Variants in EPHA6 observed in about 807,000 individuals in gnomAD.
The protein encoded by EPHA6 is ephrin type-A receptor 6.
Under a neutral mutation model 112.0 loss-of-function variants are expected in EPHA6, and 50 were observed. That is an observed-to-expected ratio of 0.45 (90% CI 0.36 to 0.56). The LOEUF is 0.56. Among genes scored for constraint, EPHA6 ranks in the 20% least tolerant of loss-of-function variants. EPHA6 has a pLI of 0.00. For missense variants in EPHA6, 1,280 were observed against 1,417.4 expected, an observed-to-expected ratio of 0.90 and a Z score of 1.56; for synonymous variants, 529 against 490.7, an observed-to-expected ratio of 1.08 and a Z score of -1.03.
chr3:97,171,856 CA>C (rs962947646), intron 3 of EPHA6, among the ~76,000 whole-genome samples: 9 of 151,772 alleles, frequency 5.9e-5, no homozygotes, highest in East Asian at 1.9e-4. Context: ...TTAGGGATAA[CA>C]AAAAACCTTG....
chr3:97,030,856 G>A (rs546490044), intron 3 of EPHA6, among the ~76,000 whole-genome samples: 10 of 151,942 alleles, frequency 6.6e-5, no homozygotes, highest in African/African-American at 1.2e-4. Context: ...TTTTTCTATC[G>A]CCATAAACTA....
chr3:96,944,536 T>C (rs2041149535), intron 2 of EPHA6, among the ~76,000 whole-genome samples: 1 of 152,172 alleles, frequency 6.6e-6, no homozygotes, highest in Admixed American at 6.5e-5. Flanking sequence ...CTGGCATGTA[T>C]ATCAGGCATC....
chr3:97,428,861 C>T (rs1217190125), intron 6 of EPHA6, among the ~76,000 whole-genome samples: 1 of 152,110 alleles, frequency 6.6e-6, no homozygotes, highest in African/African-American at 2.4e-5. Context: ...AAATGCCTGG[C>T]CAAGACTTTC....
At position 96,970,287 on chromosome 3, in the gene EPHA6, C is replaced by A. The variant is rs567378317; in HGVS notation, c.451-17043C>A. Among the ~76,000 whole-genome samples the A allele has an allele frequency of 3.0e-4, 44 of 147,680 alleles. 1 individual carries two copies. In the South Asian group the frequency reaches 4.5e-3, roughly 15 times the overall value. ...CACACAAACACACACACACACAGAG[C>A]GAGAGAGAGAGAGAGAAAGTGCCTC... On this transcript the variant is annotated intron_variant, in intron 2 of 17. Coordinates refer to ENST00000389672, the MANE Select transcript of EPHA6 (RefSeq NM_001080448.3).
intron 3 of EPHA6, among the ~76,000 whole-genome samples, chr3:97,198,613 C>A (rs1354165986): frequency 6.6e-6 from 1 of 152,020 alleles, no homozygotes; most frequent in Non-Finnish European, 1.5e-5. Flanking sequence ...CCCTTTAATT[C>A]TTGAGATTTT....
At chr3:96,947,217 G>A (rs1240280204) in intron 2 of EPHA6, among the ~76,000 whole-genome samples, 1 of 152,062 alleles carries the variant, frequency 6.6e-6, no homozygotes, top group African/African-American at 2.4e-5. Flanking sequence ...GGCTTTTGTT[G>A]CCATTGCTTT....
At position 96,864,292 on chromosome 3, in the gene EPHA6, G is replaced by T. The variant is rs74631584; in HGVS notation, c.386-2533G>T. ...TATAGGAAAGCTTAGGGTGGCCTAT[G>T]TATAATGTTCTTAACTGGAAATAGC... On this transcript the variant is annotated intron_variant, in intron 1 of 17. Coordinates refer to ENST00000389672, the MANE Select transcript of EPHA6 (RefSeq NM_001080448.3). Among the ~76,000 whole-genome samples the T allele has an allele frequency of 7.2e-3, 1,095 of 152,172 alleles. 11 individuals carry two copies. Among genetic ancestry groups the T allele is most frequent in the African/African-American group, 0.025 (1,027 of 41,540 alleles).
At chr3:97,488,717 A>G (rs2091760421) in intron 10 of EPHA6, among the ~76,000 whole-genome samples, 1 of 152,216 alleles carries the variant, frequency 6.6e-6, no homozygotes, top group African/African-American at 2.4e-5. Context: ...TATTTAGATG[A>G]GATGACTTCC....
At position 97,728,196 on chromosome 3, in the gene EPHA6, G is replaced by A. The variant is rs549424860; in HGVS notation, c.2935-7729G>A. Among the ~76,000 whole-genome samples the A allele has an allele frequency of 1.7e-4, 26 of 152,008 alleles. No individual in the cohort carries two copies. The South Asian group carries it at 5.4e-3, about 32-fold the overall frequency. The stretch of plus-strand genomic sequence containing the variant: ...CTTTTAGATATTTTTAGTGGAGCCA[G>A]GAAATGTATTATTTAGAGTTGTCTA... On this transcript the variant is annotated intron_variant, in intron 15 of 17. Transcript: ENST00000389672.
intron 1 of EPHA6, among the ~76,000 whole-genome samples, chr3:96,836,277 T>C (rs2034406977): frequency 6.6e-6 from 1 of 152,124 alleles, no homozygotes; most frequent in Non-Finnish European, 1.5e-5. Context: ...TGGGGAAACA[T>C]ATGAAGAAGC....
At chr3:97,637,329 CT>C (rs1310252164) in intron 13 of EPHA6, among the ~76,000 whole-genome samples, 1 of 152,062 alleles carries the variant, frequency 6.6e-6, no homozygotes, top group African/African-American at 2.4e-5. Context: ...TTTGCTTGTG[CT>C]TTTTTTCATT....
At chr3:97,597,525 C>T (rs985658827) in intron 12 of EPHA6, among the ~76,000 whole-genome samples, 8 of 152,162 alleles carry the variant, frequency 5.3e-5, no homozygotes, top group Non-Finnish European at 1.0e-4. Flanking sequence ...ATTTTGACAT[C>T]CTCACTGCTA....
intron 14 of EPHA6, among the ~76,000 whole-genome samples, chr3:97,666,102 A>G (rs2030072980): frequency 6.6e-6 from 1 of 151,116 alleles, no homozygotes; most frequent in Non-Finnish European, 1.5e-5. Context: ...GAATCATCTG[A>G]CGCCTTGCCT....
intron 9 of EPHA6, among the ~76,000 whole-genome samples, chr3:97,480,651 C>T (rs2107482639): frequency 6.6e-6 from 1 of 152,346 alleles, no homozygotes; most frequent in East Asian, 1.9e-4. Context: ...GACACAGTAA[C>T]AATCTGATCT....
intron 1 of EPHA6, among the ~76,000 whole-genome samples, chr3:96,845,790 C>G (rs1249284985): frequency 2.0e-5 from 3 of 151,820 alleles, no homozygotes; most frequent in Non-Finnish European, 2.9e-5. Context: ...CATCTGTTTC[C>G]CTGATTCAGA....
intron 7 of EPHA6, among the ~76,000 whole-genome samples, chr3:97,473,576 G>T (rs1247220548): frequency 6.6e-6 from 1 of 151,758 alleles, no homozygotes; most frequent in Admixed American, 6.6e-5. Flanking sequence ...CTTGAATTAT[G>T]CTATTTATTT....
At chr3:96,841,087 G>A (rs1282999351) in intron 1 of EPHA6, among the ~76,000 whole-genome samples, 1 of 152,052 alleles carries the variant, frequency 6.6e-6, no homozygotes, top group Non-Finnish European at 1.5e-5. Context: ...TACATTCCAA[G>A]GAGATGTGAG....
At chr3:97,254,975 T>C (rs1017057931) in intron 5 of EPHA6, among the ~76,000 whole-genome samples, 4 of 152,306 alleles carry the variant, frequency 2.6e-5, no homozygotes, top group Non-Finnish European at 5.9e-5. Context: ...TTACTACTTA[T>C]TTCCAATTTG....
chr3:97,469,218 A>T (rs1361478739), intron 7 of EPHA6, among the ~76,000 whole-genome samples: 1 of 151,668 alleles, frequency 6.6e-6, no homozygotes, highest in Non-Finnish European at 1.5e-5. Flanking sequence ...ACTAGTGTAC[A>T]CTTTGGAATC....
Sources: allele counts gnomAD v4.1 joint callset (sites outside exome capture counted in the v4.1 genomes callset), GRCh38; gene constraint gnomAD v4.1.1; transcripts MANE v1.5; gene names NCBI Gene and HGNC (gene_info 2026-07-23, HGNC 2026-07-21).